PVT1: variants seen among roughly 807,000 people sequenced by gnomAD.
The protein encoded by PVT1 is CXCR4/PVT1 fusion.
chr8:127,900,942 G>A (rs1342911352), intron 3 of PVT1, among the ~76,000 whole-genome samples: 3 of 152,218 alleles, frequency 2.0e-5, no homozygotes, highest in Admixed American at 2.0e-4. Flanking sequence ...CGCCTGAATG[G>A]GGTGAATTCT....
At chr8:128,041,246 G>A (rs889437628) in intron 4 of PVT1, among the ~76,000 whole-genome samples, 8 of 147,144 alleles carry the variant, frequency 5.4e-5, no homozygotes, top group East Asian at 4.2e-4. Context: ...TGTTGTTTGT[G>A]TGTGTGTTTG....
intron 2 of PVT1, among the ~76,000 whole-genome samples, chr8:127,873,969 G>A (rs999791318): frequency 2.0e-5 from 3 of 152,196 alleles, no homozygotes; most frequent in African/African-American, 7.2e-5. Flanking sequence ...TAGCTGCCAA[G>A]CAGCCAAGCA....
intron 3 of PVT1, among the ~76,000 whole-genome samples, chr8:127,895,489 A>C (rs888887201): frequency 6.6e-6 from 1 of 152,148 alleles, no homozygotes; most frequent in Admixed American, 6.5e-5. Context: ...ATAAATAAAT[A>C]AATAAAAGAT....
At chr8:128,023,352 T>C (rs912462571) in intron 4 of PVT1, among the ~76,000 whole-genome samples, 12 of 152,302 alleles carry the variant, frequency 7.9e-5, no homozygotes, top group Admixed American at 7.8e-4. Flanking sequence ...AGCCAACTCC[T>C]AGACCTCCAT....
At chr8:127,866,388 G>T (rs1586413209) in intron 2 of PVT1, among the ~76,000 whole-genome samples, 2 of 152,308 alleles carry the variant, frequency 1.3e-5, no homozygotes, top group South Asian at 4.1e-4. Flanking sequence ...AGATGACAGA[G>T]ATGCTGGTGC....
intron 4 of PVT1, among the ~76,000 whole-genome samples, chr8:128,067,953 G>GGT (rs796318180): frequency 1.4e-5 from 2 of 142,622 alleles, no homozygotes; most frequent in Admixed American, 6.9e-5. Flanking sequence ...CATACTTTGT[G>GGT]TTTTTTTTTT....
intron 4 of PVT1, among the ~76,000 whole-genome samples, chr8:128,012,711 G>A (rs182503391): frequency 1.2e-3 from 180 of 152,186 alleles, no homozygotes; most frequent in Non-Finnish European, 1.8e-3. Flanking sequence ...GCAATTTCTC[G>A]GCTGCTCCTC....
chr8:128,003,452 C>T (rs953751617), intron 4 of PVT1, among the ~76,000 whole-genome samples: 1 of 151,702 alleles, frequency 6.6e-6, no homozygotes, highest in African/African-American at 2.4e-5. Context: ...CTGAAATGAT[C>T]CTCTCTCCTC....
At chr8:127,974,866 A>G (rs903757055) in intron 3 of PVT1, among the ~76,000 whole-genome samples, 3 of 152,248 alleles carry the variant, frequency 2.0e-5, no homozygotes, top group African/African-American at 7.2e-5. Flanking sequence ...TAATGATTTT[A>G]TATAGTCATA....
intron 2 of PVT1, among the ~76,000 whole-genome samples, chr8:127,848,115 G>GT (rs958258980): frequency 6.6e-6 from 1 of 152,152 alleles, no homozygotes; most frequent in Non-Finnish European, 1.5e-5. Context: ...AATTTAAAAA[G>GT]TTTATAACCT....
chr8:127,794,783 G>A (rs1222195244), intron 1 of PVT1: 4 of 153,594 alleles, frequency 2.6e-5, no homozygotes, highest in Non-Finnish European at 4.4e-5. Flanking sequence ...TCGAGACTTG[G>A]CCCTGAGTAG....
chr8:127,945,168 CTG>C (rs1282199707), intron 3 of PVT1, among the ~76,000 whole-genome samples: 1 of 152,182 alleles, frequency 6.6e-6, no homozygotes, highest in African/African-American at 2.4e-5. Context: ...TGTTGAGACA[CTG>C]TGCTTGATGC....
chr8:127,935,630 G>A (rs13277076), intron 3 of PVT1, among the ~76,000 whole-genome samples: 43,821 of 152,044 alleles, frequency 0.29, 6,956 homozygotes, highest in East Asian at 0.5. Context: ...TGAGCCATGC[G>A]TGGCCCGATG....
intron 4 of PVT1, among the ~76,000 whole-genome samples, chr8:128,005,021 TC>T (rs1817229275): frequency 6.6e-6 from 1 of 151,890 alleles, no homozygotes; most frequent in South Asian, 2.1e-4. Context: ...ATGACTGTAA[TC>T]CCAGCTACTC....
intron 4 of PVT1, among the ~76,000 whole-genome samples, chr8:128,064,114 T>C (rs575211479): frequency 6.6e-6 from 1 of 152,288 alleles, no homozygotes; most frequent in South Asian, 2.1e-4. Flanking sequence ...ACAGCGCTAT[T>C]GATAGTCCTT....
intron 3 of PVT1, among the ~76,000 whole-genome samples, chr8:127,973,609 C>T (rs1267635699): frequency 6.6e-6 from 1 of 151,512 alleles, no homozygotes; most frequent in African/African-American, 2.4e-5. Context: ...AACTAGGTCC[C>T]ACCTGATGGA....
chr8:127,999,383 C>T (rs1396158109), intron 4 of PVT1: 1 of 152,098 alleles, frequency 6.6e-6, no homozygotes, highest in Non-Finnish European at 1.5e-5. Flanking sequence ...AATATTTCTC[C>T]AGGTATCCAT....
chr8:127,945,479 A>T (rs1426934200), intron 3 of PVT1, among the ~76,000 whole-genome samples: 1 of 152,124 alleles, frequency 6.6e-6, no homozygotes, highest in African/African-American at 2.4e-5. Context: ...TGCCAGTCTC[A>T]TGGGGGTGAT....
At chr8:127,983,196 G>T (rs1816904746) in intron 3 of PVT1, among the ~76,000 whole-genome samples, 1 of 152,196 alleles carries the variant, frequency 6.6e-6, no homozygotes, top group African/African-American at 2.4e-5. Context: ...GGATGGCTCG[G>T]ATGTGGCCTA....
Sources: gnomAD v4.1 joint callset for allele counts (sites outside exome capture counted in the v4.1 genomes callset) on GRCh38, gnomAD v4.1.1 for gene constraint, MANE v1.5 for transcripts, NCBI Gene and HGNC (gene_info 2026-07-23, HGNC 2026-07-21) for gene names.